The following KCNMB4 variants were observed in gnomAD, a reference collection of about 807,000 sequenced individuals.
The protein encoded by KCNMB4 is calcium-activated potassium channel subunit beta-4.
KCNMB4 carries 3 observed loss-of-function variants against 20.7 expected under a neutral mutation model. The observed-to-expected ratio is 0.14, with a 90% CI of 0.07 to 0.37. The LOEUF is 0.37. KCNMB4 is among the 10% of genes least tolerant of loss of function. The probability of loss-of-function intolerance (pLI) is 1.00; values close to 1 mark genes in which losing one functional copy is unlikely to be tolerated. For missense variants in KCNMB4, 168 were observed against 265.9 expected (o/e 0.63, Z 2.56); for synonymous variants, 110 against 113.4 (o/e 0.97, Z 0.19).
At chr12:70,407,086 G>C (rs963912652) in intron 2 of KCNMB4, among the ~76,000 whole-genome samples, 1 of 152,098 alleles carries the variant, frequency 6.6e-6, no homozygotes, top group Non-Finnish European at 1.5e-5. Context: ...GATGTCAAGC[G>C]CATGTCCCAG....
intron 2 of KCNMB4, among the ~76,000 whole-genome samples, chr12:70,421,303 TAACATA>T (rs1869047076): frequency 6.6e-6 from 1 of 150,958 alleles, no homozygotes; most frequent in Non-Finnish European, 1.5e-5. Flanking sequence ...CTGGCCTGGG[TAACATA>T]ATGAGATCCT....
At chr12:70,422,821 A>T in intron 2 of KCNMB4, 2 of 1,250,278 alleles carry the variant, frequency 1.6e-6, no homozygotes, top group South Asian at 1.3e-5. Flanking sequence ...GAAAACCGAC[A>T]GATGGATAAA....
At position 70,430,567 on chromosome 12, in the gene KCNMB4, G is replaced by A. The variant is rs373259576; in HGVS notation, c.547G>A (p.Val183Met). 1.5e-5 allele frequency: 25 copies of A among 1,613,938 alleles called. No individual in the cohort carries two copies. The highest frequency in any genetic ancestry group is 2.7e-5 in the African/African-American group (2 of 74,936). ...CCTCTGGCCCCTGGTGACATTTGTG[G>A]TGGGCGTTCTCATTGTGGTCCTGAC... Reference protein sequence around the residue: ...CFLWPLVTFVVGVLIVVLTIC... With the variant: ...CFLWPLVTFVMGVLIVVLTIC... The change falls in exon 3 of 3, where the codon GTG becomes ATG. Residue 183 changes from valine (V) to methionine (M), a missense_variant. Transcript: ENST00000258111.
In KCNMB4 at chr12:70,366,957, G is replaced by C; in HGVS notation, c.223G>C (p.Asp75His). 1 of 1,610,140 alleles carries C rather than the reference G, an allele frequency of 6.2e-7. No homozygotes were observed. Among genetic ancestry groups the C allele is most frequent in the Non-Finnish European group, 8.5e-7 (1 of 1,178,226 alleles). Reference sequence around the variant, plus strand: ...CGAGTGCACCTTCACCTGTGGCGCCGACTGCAGGGGCACCTCGCAGTACCC... The same window carrying C: ...CGAGTGCACCTTCACCTGTGGCGCCCACTGCAGGGGCACCTCGCAGTACCC... ...VFECTFTCGA[D>H]CRGTSQYPCV... is the part of the protein sequence containing the mutation. Residue 75 changes from aspartate (D) to histidine (H), a missense_variant, in exon 1 of 3, where the codon GAC becomes CAC. Coordinates refer to ENST00000258111, the MANE Select transcript of KCNMB4 (RefSeq NM_014505.6).
intron 1 of KCNMB4, among the ~76,000 whole-genome samples, chr12:70,378,348 A>G (rs1402209452): frequency 1.3e-5 from 2 of 152,190 alleles, no homozygotes; most frequent in Non-Finnish European, 2.9e-5. Context: ...CAAGTCATCC[A>G]TGAGGGTTGG....
At chr12:70,384,873 C>CAAA (rs57306622) in intron 1 of KCNMB4, among the ~76,000 whole-genome samples, 843 of 73,068 alleles carry the variant, frequency 0.012, 21 homozygotes, top group African/African-American at 0.033. Flanking sequence ...GACCCTGTCT[C>CAAA]AAAAAAAAAA....
At chr12:70,390,555 T>G (rs1331382086) in intron 1 of KCNMB4, among the ~76,000 whole-genome samples, 4 of 152,162 alleles carry the variant, frequency 2.6e-5, no homozygotes, top group Non-Finnish European at 4.4e-5. Context: ...TGTCATAGAC[T>G]CTTGTTTGTT....
rs79296470 is a variant in KCNMB4, at chr12:70,413,469, G to A, written c.464+13133G>A. 2.0e-4 allele frequency among the ~76,000 whole-genome samples: 30 copies of A among 151,976 alleles called. 1 individual carries two copies. Among genetic ancestry groups the A allele is most frequent in the Non-Finnish European group, 3.7e-4 (25 of 68,010 alleles). On this transcript the variant is annotated intron_variant, in intron 2 of 2. Coordinates refer to ENST00000258111, the MANE Select transcript of KCNMB4 (RefSeq NM_014505.6). ...GGTGGAATGCAGGGCAGGGCTGTGC[G>A]TCAGGAGACTCCACTCCATTTCTAT...
At chr12:70,396,445 A>G (rs537007363) in intron 1 of KCNMB4, among the ~76,000 whole-genome samples, 14 of 152,282 alleles carry the variant, frequency 9.2e-5, no homozygotes, top group Admixed American at 7.2e-4. Context: ...AGCTGGGATT[A>G]TGGGTGTGTG....
intron 1 of KCNMB4, among the ~76,000 whole-genome samples, chr12:70,374,468 C>T (rs1883652137): frequency 6.6e-6 from 1 of 152,214 alleles, no homozygotes; most frequent in Middle Eastern, 3.4e-3. Context: ...CATATGTTTC[C>T]AACCATTCCT....
chr12:70,427,997 T>C (rs1473377285), intron 2 of KCNMB4, among the ~76,000 whole-genome samples: 2 of 152,086 alleles, frequency 1.3e-5, no homozygotes, highest in Non-Finnish European at 2.9e-5. Flanking sequence ...CTGAATCCTT[T>C]TTCTTTTTTT....
At chr12:70,387,203 G>A (rs985231764) in intron 1 of KCNMB4, among the ~76,000 whole-genome samples, 4 of 150,484 alleles carry the variant, frequency 2.7e-5, no homozygotes, top group African/African-American at 9.7e-5. Flanking sequence ...GTATCATTCC[G>A]ACAGCTGTGT....
intron 1 of KCNMB4, among the ~76,000 whole-genome samples, chr12:70,376,347 G>A (rs1883686691): frequency 6.6e-6 from 1 of 151,836 alleles, no homozygotes; most frequent in African/African-American, 2.4e-5. Flanking sequence ...TCTAGCCAGG[G>A]GCAGTTAAGC....
intron 1 of KCNMB4, among the ~76,000 whole-genome samples, chr12:70,386,736 G>A (rs1480391152): frequency 1.3e-5 from 2 of 152,012 alleles, no homozygotes; most frequent in African/African-American, 2.4e-5. Flanking sequence ...ATAGATGCTG[G>A]TACAAGGAAG....
chr12:70,382,457 A>AAT (rs1555211295), intron 1 of KCNMB4, among the ~76,000 whole-genome samples: 25 of 129,048 alleles, frequency 1.9e-4, no homozygotes, highest in Middle Eastern at 4.1e-3. Flanking sequence ...AAAAAAAAAA[A>AAT]TTTAAAGGTA....
intron 1 of KCNMB4, among the ~76,000 whole-genome samples, chr12:70,384,862 A>C (rs1593326918): frequency 7.7e-6 from 1 of 130,372 alleles, no homozygotes; most frequent in South Asian, 2.7e-4. Context: ...CAACACAGTG[A>C]GACCCTGTCT....
intron 1 of KCNMB4, among the ~76,000 whole-genome samples, chr12:70,368,644 A>G (rs535067404): frequency 2.2e-4 from 34 of 152,270 alleles, no homozygotes; most frequent in African/African-American, 7.9e-4. Flanking sequence ...AACCAGTAGT[A>G]ATGATTTAGA....
chr12:70,374,712 G>A (rs149105658), intron 1 of KCNMB4, among the ~76,000 whole-genome samples: 167 of 152,112 alleles, frequency 1.1e-3, no homozygotes, highest in African/African-American at 3.3e-3. Context: ...GTTACTAGAT[G>A]GTCTCTTTAT....
intron 1 of KCNMB4, among the ~76,000 whole-genome samples, chr12:70,391,831 C>G (rs899284748): frequency 7.9e-5 from 12 of 152,164 alleles, no homozygotes; most frequent in Non-Finnish European, 1.5e-4. Context: ...TGAATCATTG[C>G]TGTAATCAAT....
Sources: gnomAD v4.1 joint callset for allele counts (sites outside exome capture counted in the v4.1 genomes callset) on GRCh38, gnomAD v4.1.1 for gene constraint, MANE v1.5 for transcripts, NCBI Gene and HGNC (gene_info 2026-07-23, HGNC 2026-07-21) for gene names.